The following ADD1 variants were observed in gnomAD, a reference collection of about 807,000 sequenced individuals.
ADD1 encodes the protein adducin 1.
In ADD1, 24 loss-of-function variants were observed where a neutral mutation model predicts 80.5. That is an observed-to-expected ratio of 0.30 (90% CI 0.22 to 0.42). The LOEUF (loss-of-function observed/expected upper bound fraction) is 0.42, where lower values mean the gene tolerates loss of function less well. Among genes scored for constraint, ADD1 ranks in the 10% least tolerant of loss-of-function variants. ADD1 has a pLI of 1.00. For missense variants in ADD1, 948 were observed against 1,019.0 expected (o/e 0.93, Z 0.95); for synonymous variants, 373 against 393.8 (o/e 0.95, Z 0.63).
intron 13 of ADD1, among the ~76,000 whole-genome samples, chr4:2,911,388 G>T (rs1737992746): frequency 2.0e-5 from 3 of 151,604 alleles, no homozygotes; most frequent in Admixed American, 6.6e-5. Context: ...GCCGAAGGCT[G>T]TGTTGACTTT....
chr4:2,891,416 C>A (rs1734283868), intron 4 of ADD1, among the ~76,000 whole-genome samples: 1 of 151,702 alleles, frequency 6.6e-6, no homozygotes, highest in Non-Finnish European at 1.5e-5. Flanking sequence ...CCCTGCACTC[C>A]AGCCTGGGTG....
rs555115973 is a variant in ADD1, at chr4:2,926,207, C to T, written c.2047+95C>T. On this transcript the variant is annotated intron_variant, in intron 15 of 15. Transcript: ENST00000683351. This position sits in a 1 kb window ranked among gnomAD's most constrained non-coding sequence, Gnocchi z 5.0. The stretch of plus-strand genomic sequence containing the variant: ...GGCGGGAGTCGTGTTAACAGCAACA[C>T]GGAAGTGTGTGCTTGCATCAGCGCC... 14 of 1,085,322 alleles carry T rather than the reference C, an allele frequency of 1.3e-5. No individual in the cohort carries two copies. The highest frequency in any genetic ancestry group is 7.7e-5 in the African/African-American group (5 of 64,816). The allele number at this position is 1,085,322 out of a possible 1,614,324, so 67.2% of individuals were successfully genotyped here.
intron 14 of ADD1, among the ~76,000 whole-genome samples, chr4:2,918,346 A>C (rs1396728510): frequency 6.6e-6 from 1 of 152,104 alleles, no homozygotes; most frequent in East Asian, 1.9e-4. Context: ...AATGCTTGTG[A>C]TTTTTGCAGT....
At chr4:2,908,887 G>A (rs191499698) in intron 12 of ADD1, 20 of 504,306 alleles carry the variant, frequency 4.0e-5, no homozygotes, top group African/African-American at 3.3e-4. Context: ...GCTCAGATTC[G>A]GCCCGGGTTC....
In ADD1 at chr4:2,912,426, C is replaced by T. The variant is rs184754143; in HGVS notation, c.1792-2458C>T. ...ACTGGGGACCTGCTGCGCTGTGCCT[C>T]GGGCTTCAGCTGTCTCAGTATGAGA... On this transcript the variant is annotated intron_variant, in intron 13 of 15. Transcript: ENST00000683351. Among the ~76,000 whole-genome samples the T allele has an allele frequency of 1.2e-3, 185 of 152,292 alleles. 1 individual carries two copies. The highest frequency in any genetic ancestry group is 3.6e-3 in the Admixed American group (55 of 15,300).
intron 1 of ADD1, among the ~76,000 whole-genome samples, chr4:2,857,825 G>A (rs972188008): frequency 3.3e-5 from 5 of 152,142 alleles, no homozygotes; most frequent in East Asian, 1.9e-4. Flanking sequence ...GCCAGTATAC[G>A]AGACTTTGGT....
At chr4:2,885,801 G>A (rs533210337) in intron 4 of ADD1, among the ~76,000 whole-genome samples, 80 of 151,862 alleles carry the variant, frequency 5.3e-4, no homozygotes, top group Middle Eastern at 6.8e-3. Context: ...TAGTAGAGAC[G>A]GGGTTTCACC....
intron 9 of ADD1, chr4:2,902,154 A>C (rs1469900478): frequency 6.6e-6 from 1 of 152,200 alleles, no homozygotes; most frequent in African/African-American, 2.4e-5. Context: ...GAATAAAGAA[A>C]AATCCATATG....
intron 14 of ADD1, among the ~76,000 whole-genome samples, chr4:2,925,407 T>C (rs1322746708): frequency 6.6e-6 from 1 of 152,202 alleles, no homozygotes; most frequent in Non-Finnish European, 1.5e-5. Context: ...GGAGTTAGAA[T>C]AGTGCTGGTC....
chr4:2,882,031 C>T lies in ADD1; in HGVS notation c.329C>T (p.Pro110Leu), dbSNP rs754093766. 18 of 1,609,930 alleles carry T rather than the reference C, an allele frequency of 1.1e-5. No homozygotes were observed. The highest frequency in any genetic ancestry group is 1.7e-5 in the Admixed American group (1 of 58,816). The change falls in exon 3 of 16, where the codon CCG becomes CTG. Residue 110 changes from proline (P) to leucine (L), a missense_variant. Transcript: ENST00000683351. ...TNVPNVYPAAPQGGMAALNMS... is the reference protein window; with the variant it reads ...TNVPNVYPAALQGGMAALNMS... ...GTACCAAATGTCTACCCAGCAGCTC[C>T]GCAAGGAGGGATGGCTGCCTTAAAC...
chr4:2,884,758 C>A, intron 4 of ADD1, 92 bp downstream of exon 4: 1 of 1,402,862 alleles, frequency 7.1e-7, no homozygotes. Context: ...GGGAAGCAGG[C>A]TGAGCTTCAG....
intron 13 of ADD1, 88 bp from the exon 14 acceptor site, chr4:2,914,796 C>A: frequency 1.3e-6 from 2 of 1,484,130 alleles, no homozygotes; most frequent in East Asian, 2.3e-5. Flanking sequence ...AAGCCTCCTG[C>A]CCCCGCCCTG....
In ADD1 at chr4:2,929,689, GCATGATGGGCCGAGC is replaced by G. The variant is rs1026760750; in HGVS notation, c.*1169_*1183del. 3.3e-5 allele frequency: 5 copies of G among 152,318 alleles called. No individual in the cohort carries two copies. The highest frequency in any genetic ancestry group is 1.2e-4 in the African/African-American group (5 of 41,464). 9.4% of individuals were successfully genotyped at this position (152,318 alleles called of 1,614,324 possible). Reference sequence around the variant, plus strand: ...TGCCAGATGTGGGCTCAGATCCTGGGCATGATGGGCCGAGCCACCTCGGATCCCACTGATTGGCCA... The same window carrying G: ...TGCCAGATGTGGGCTCAGATCCTGGGCACCTCGGATCCCACTGATTGGCCA... On this transcript the variant is annotated 3_prime_UTR_variant, in exon 16 of 16. Coordinates refer to ENST00000683351, the MANE Select transcript of ADD1 (RefSeq NM_001354761.2).
rs145910764 is a variant in ADD1 at position 2,891,036 on chromosome 4, A to T, written c.511-2977A>T. Among the ~76,000 whole-genome samples the T allele has an allele frequency of 3.8e-3, 575 of 152,142 alleles. 6 individuals carry two copies. The highest frequency in any genetic ancestry group is 0.013 in the African/African-American group (551 of 41,496). ...GCAGTGACTCCCACCTGTAATCCCA[A>T]CACTTTTGGAGGCCAAGGCAGGAGG... is the stretch of plus-strand genomic sequence containing the variant. On this transcript the variant is annotated intron_variant, in intron 4 of 15. Coordinates refer to ENST00000683351, the MANE Select transcript of ADD1 (RefSeq NM_001354761.2).
At chr4:2,909,286 A>G (rs1215986364) in intron 12 of ADD1, 53 bp from the exon 13 acceptor site, 2 of 1,434,752 alleles carry the variant, frequency 1.4e-6, no homozygotes, top group East Asian at 2.5e-5. Context: ...CTCTCAGCTG[A>G]TATTTCACAG....
intron 13 of ADD1, among the ~76,000 whole-genome samples, chr4:2,910,043 C>T (rs1486665485): frequency 1.4e-5 from 2 of 146,462 alleles, no homozygotes; most frequent in South Asian, 2.3e-4. Flanking sequence ...GTCTGAAACC[C>T]CTCACTGTGA....
chr4:2,859,501 G>A (rs1463853523), intron 1 of ADD1, among the ~76,000 whole-genome samples: 1 of 152,218 alleles, frequency 6.6e-6, no homozygotes, highest in East Asian at 1.9e-4. Context: ...AATTTTAAAT[G>A]TAAATAAGCA....
chr4:2,913,286 G>A (rs1026757474), intron 13 of ADD1, among the ~76,000 whole-genome samples: 6 of 152,232 alleles, frequency 3.9e-5, no homozygotes, highest in African/African-American at 1.4e-4. Flanking sequence ...CCAAACTGCT[G>A]TTGCTGGGAT....
intron 2 of ADD1, among the ~76,000 whole-genome samples, chr4:2,880,274 A>G (rs543641898): frequency 2.0e-5 from 3 of 151,970 alleles, no homozygotes; most frequent in Non-Finnish European, 4.4e-5. Context: ...ACAGCAATAC[A>G]TCTGTCTGTT....
Sources: gnomAD v4.1 joint callset for allele counts (sites outside exome capture counted in the v4.1 genomes callset) on GRCh38, gnomAD v4.1.1 for gene constraint, Gnocchi (gnomAD v3.1) non-coding constraint, MANE v1.5 for transcripts, NCBI Gene and HGNC (gene_info 2026-07-23, HGNC 2026-07-21) for gene names.